Variants in MBTPS1 observed in about 807,000 individuals in gnomAD.
MBTPS1 encodes the protein membrane bound transcription factor peptidase, site 1, also known as membrane-bound transcription factor site-1 protease.
In MBTPS1, 94 loss-of-function variants were observed where a neutral mutation model predicts 127.8. That is an observed-to-expected ratio of 0.74 (90% CI 0.62 to 0.87). The LOEUF (loss-of-function observed/expected upper bound fraction) is 0.87. Ranked by LOEUF, MBTPS1 falls within the 40% of genes least tolerant of loss-of-function variation. MBTPS1 has a pLI of 0.00. For synonymous variants in MBTPS1, 632 were observed against 509.4 expected, an observed-to-expected ratio of 1.24 and a Z score of -3.24; for missense variants, 1,636 against 1,353.2, an observed-to-expected ratio of 1.21 and a Z score of -3.28.
intron 1 of MBTPS1, among the ~76,000 whole-genome samples, chr16:84,103,814 C>G (rs967590580): frequency 6.6e-6 from 1 of 152,156 alleles, no homozygotes; most frequent in African/African-American, 2.4e-5. Context: ...GAAAAACAAG[C>G]CCATCTCTGG....
At position 84,087,373 on chromosome 16, in the gene MBTPS1, C is replaced by T; in HGVS notation, c.1119G>A (p.Arg373=). The change falls in exon 9 of 23, where the codon AGG becomes AGA. Residue 373 remains arginine, a synonymous_variant. Transcript: ENST00000343411. ...FEDNIARFSS[R]GMTTWELPGG... ...AAGAGCGTACCCAGGTAGTCATTCCCCTTGAAGAAAAGCGGGCGATGTTAT... is the reference window on the plus strand; with the variant it reads ...AAGAGCGTACCCAGGTAGTCATTCCTCTTGAAGAAAAGCGGGCGATGTTAT... 1 of 1,612,908 alleles carries T rather than the reference C, an allele frequency of 6.2e-7. No individual in the cohort carries two copies. The highest frequency in any genetic ancestry group is 1.1e-5 in the South Asian group (1 of 91,052).
At chr16:84,111,934 C>T (rs929223292) in intron 1 of MBTPS1, among the ~76,000 whole-genome samples, 1 of 150,758 alleles carries the variant, frequency 6.6e-6, no homozygotes, top group Non-Finnish European at 1.5e-5. Flanking sequence ...GGTGCGGTGG[C>T]TCATTCCTGT....
chr16:84,059,280 A>T, intron 21 of MBTPS1, 22 bp downstream of exon 21: 1 of 1,604,178 alleles, frequency 6.2e-7, no homozygotes. Flanking sequence ...GAAAGAGTGG[A>T]AGGGCACAGG....
chr16:84,073,219 C>T (rs868358425), intron 12 of MBTPS1, among the ~76,000 whole-genome samples: 2 of 152,208 alleles, frequency 1.3e-5, no homozygotes, highest in East Asian at 1.9e-4. Context: ...CTGCAACCTC[C>T]GCCTCCCAGG....
chr16:84,055,839 G>C (rs971963415), intron 22 of MBTPS1, among the ~76,000 whole-genome samples, 166 bp downstream of exon 22: 1 of 152,232 alleles, frequency 6.6e-6, no homozygotes, highest in African/African-American at 2.4e-5. Flanking sequence ...GCCTGCCCTT[G>C]CTCATGCTGG....
intron 16 of MBTPS1, among the ~76,000 whole-genome samples, chr16:84,067,260 A>G (rs989549561): frequency 1.3e-5 from 2 of 152,220 alleles, no homozygotes; most frequent in Admixed American, 6.5e-5. Flanking sequence ...TGAACCCTCT[A>G]TATTATTAAC....
intron 6 of MBTPS1, among the ~76,000 whole-genome samples, 175 bp downstream of exon 6, chr16:84,093,013 G>A (rs1476330527): frequency 6.6e-6 from 1 of 152,228 alleles, no homozygotes; most frequent in Non-Finnish European, 1.5e-5. Flanking sequence ...GGTGGGAGAA[G>A]GGCGGAGCCA....
At position 84,060,674 on chromosome 16, in the gene MBTPS1, C is replaced by A; in HGVS notation, c.2704+8G>T. ...TCCCTCCCCAAGGCATCCTGCCCAT[C>A]CACTCACCTTCCATCCTCTCTGGAG... On this transcript the variant is annotated splice_region_variant and intron_variant, in intron 20 of 22. Transcript: ENST00000343411. 1 of 1,611,766 alleles carries A rather than the reference C, an allele frequency of 6.2e-7. No individual in the cohort carries two copies. Among genetic ancestry groups the A allele is most frequent in the Non-Finnish European group, 8.5e-7 (1 of 1,178,196 alleles).
chr16:84,080,317 G>A (rs766725200), intron 11 of MBTPS1, among the ~76,000 whole-genome samples: 4 of 152,212 alleles, frequency 2.6e-5, no homozygotes, highest in Non-Finnish European at 5.9e-5. Context: ...AAATCATCAC[G>A]TGTCAAAGTT....
chr16:84,084,627 T>C (rs1174060745), intron 10 of MBTPS1, among the ~76,000 whole-genome samples: 4 of 152,242 alleles, frequency 2.6e-5, no homozygotes, highest in African/African-American at 9.6e-5. Flanking sequence ...GGAAATATCT[T>C]ACTATTTGTT....
chr16:84,099,070 G>A lies in MBTPS1; in HGVS notation c.404C>T (p.Ser135Phe), dbSNP rs373148074. 5.6e-6 allele frequency: 9 copies of A among 1,614,002 alleles called. No homozygotes were observed. Among genetic ancestry groups the A allele is most frequent in the Non-Finnish European group, 7.6e-6 (9 of 1,180,014 alleles). Residue 135 changes from serine to phenylalanine, a missense_variant, in exon 3 of 23, where the codon TCC becomes TTC. Coordinates refer to ENST00000343411, the MANE Select transcript of MBTPS1 (RefSeq NM_003791.4). ...RVTPQRKVFR[S>F]LKYAESDPTV... ...ATACTCACATTCAGCATACTTGAGG[G>A]AACGAAAGACTTTTCGTTGGGGCGT... is the stretch of plus-strand genomic sequence containing the variant.
chr16:84,066,357 CTG>C, intron 17 of MBTPS1, 130 bp downstream of exon 17: 1 of 894,326 alleles, frequency 1.1e-6, no homozygotes, highest in Non-Finnish European at 1.6e-6. Context: ...TTTGAAAATA[CTG>C]GTGAGTTCTT....
chr16:84,073,040 C>A (rs190703769), intron 12 of MBTPS1, among the ~76,000 whole-genome samples: 2 of 152,302 alleles, frequency 1.3e-5, no homozygotes, highest in East Asian at 3.9e-4. Flanking sequence ...TTGAAAACTA[C>A]CTAACAGTTC....
chr16:84,114,642 C>T (rs1292210023), intron 1 of MBTPS1, among the ~76,000 whole-genome samples: 2 of 151,612 alleles, frequency 1.3e-5, no homozygotes, highest in Non-Finnish European at 2.9e-5. Context: ...CCAGCCTGAC[C>T]AACATGGTAA....
chr16:84,077,964 A>G (rs529643094), intron 11 of MBTPS1, among the ~76,000 whole-genome samples: 2 of 152,304 alleles, frequency 1.3e-5, no homozygotes, highest in Admixed American at 6.5e-5. Context: ...ACATGGACTT[A>G]GGTGTTCAAA....
At chr16:84,061,958 A>G (rs1471827208) in intron 19 of MBTPS1, among the ~76,000 whole-genome samples, 1 of 152,164 alleles carries the variant, frequency 6.6e-6, no homozygotes, top group Non-Finnish European at 1.5e-5. Flanking sequence ...TGAAAGATGA[A>G]AAAAGCTGCC....
rs370879660 is a variant in MBTPS1 at position 84,090,945 on chromosome 16, A to G, written c.964-3T>C. ...TTGTTAGCTGTTAATTCCCACACCT[A>G]CAAAAGGAGCATTTATTTAATGAAA... On this transcript the variant is annotated splice_region_variant and splice_polypyrimidine_tract_variant and intron_variant, in intron 7 of 22. Transcript: ENST00000343411. 3.7e-6 allele frequency: 6 copies of G among 1,603,272 alleles called. No individual in the cohort carries two copies. In the African/African-American group the frequency reaches 8.0e-5, roughly 21 times the overall value.
intron 3 of MBTPS1, among the ~76,000 whole-genome samples, chr16:84,096,550 A>T (rs10400924): frequency 0.82 from 124,748 of 152,230 alleles, 51,371 homozygotes; most frequent in Admixed American, 0.88. Context: ...GTTTTCCCTT[A>T]ACCTTTCAAA....
chr16:84,102,510 G>C (rs10871282), intron 1 of MBTPS1, among the ~76,000 whole-genome samples: 142,398 of 152,198 alleles, frequency 0.94, 66,741 homozygotes, highest in African/African-American at 0.99. Context: ...ATGGAAAAAA[G>C]TAAGGACAAC....
Sources: gnomAD v4.1 joint callset for allele counts (sites outside exome capture counted in the v4.1 genomes callset) on GRCh38, gnomAD v4.1.1 for gene constraint, MANE v1.5 for transcripts, NCBI Gene and HGNC (gene_info 2026-07-23, HGNC 2026-07-21) for gene names.